The following OPCML variants were observed in gnomAD, a reference collection of about 807,000 sequenced individuals.
OPCML encodes the protein opioid binding protein/cell adhesion molecule like, also known as opioid-binding protein/cell adhesion molecule.
In OPCML, 13 loss-of-function variants were observed where a neutral mutation model predicts 37.8. The observed-to-expected ratio is 0.34, with a 90% CI of 0.22 to 0.55. OPCML has a LOEUF of 0.55. Among genes scored for constraint, OPCML ranks in the 20% least tolerant of loss-of-function variants. The pLI is 0.91. For missense variants in OPCML, 341 were observed against 435.6 expected, an observed-to-expected ratio of 0.78 and a Z score of 1.93; for synonymous variants, 176 against 168.8, an observed-to-expected ratio of 1.04 and a Z score of -0.33.
intron 3 of OPCML, among the ~76,000 whole-genome samples, chr11:132,585,208 G>A (rs4622275): frequency 0.31 from 46,880 of 151,926 alleles, 8,996 homozygotes; most frequent in Non-Finnish European, 0.43. Flanking sequence ...TGTCTCATTC[G>A]TGAATGGACT....
At chr11:133,002,438 T>C (rs1460287433) in intron 1 of OPCML, among the ~76,000 whole-genome samples, 2 of 152,228 alleles carry the variant, frequency 1.3e-5, no homozygotes, top group Non-Finnish European at 2.9e-5. Flanking sequence ...GTTTGAATCC[T>C]GTCTCACCGC....
chr11:133,458,751 A>ATATACACATAGATGCACGTGTGTG (rs1946780060), intron 1 of OPCML, among the ~76,000 whole-genome samples: 1 of 136,744 alleles, frequency 7.3e-6, no homozygotes, highest in African/African-American at 3.5e-5. Context: ...GTGTGTGTAT[A>ATATACACATAGATGCACGTGTGTG]TATACACATA....
intron 2 of OPCML, among the ~76,000 whole-genome samples, chr11:132,665,420 A>G (rs1942176195): frequency 6.6e-6 from 1 of 152,200 alleles, no homozygotes; most frequent in South Asian, 2.1e-4. Flanking sequence ...CACACCACGC[A>G]AGTGAGGCAA....
chr11:133,214,953 T>A (rs1054041938), intron 1 of OPCML, among the ~76,000 whole-genome samples: 10 of 152,176 alleles, frequency 6.6e-5, no homozygotes, highest in Non-Finnish European at 1.3e-4. Context: ...TATAAATAGA[T>A]AATTACAGAA....
chr11:132,745,161 A>G (rs1945572755), intron 2 of OPCML, among the ~76,000 whole-genome samples: 1 of 152,088 alleles, frequency 6.6e-6, no homozygotes, highest in South Asian at 2.1e-4. Context: ...ACTTCCAGGG[A>G]GAGGAAGCTA....
intron 1 of OPCML, among the ~76,000 whole-genome samples, chr11:133,481,164 A>T (rs1947363046): frequency 6.6e-6 from 1 of 152,262 alleles, no homozygotes; most frequent in South Asian, 2.1e-4. Flanking sequence ...CCAGGATTTC[A>T]TCATGAAGCT....
intron 1 of OPCML, among the ~76,000 whole-genome samples, chr11:133,140,079 G>A (rs906065404): frequency 1.3e-5 from 2 of 151,338 alleles, no homozygotes; most frequent in Non-Finnish European, 2.9e-5. Flanking sequence ...CCCAGCTACT[G>A]GGGAGGCTGA....
chr11:132,848,576 T>C (rs1941658963), intron 2 of OPCML, among the ~76,000 whole-genome samples: 1 of 152,240 alleles, frequency 6.6e-6, no homozygotes, highest in African/African-American at 2.4e-5. Context: ...TACTTACCCA[T>C]AATTTTTGTT....
chr11:133,352,147 T>G (rs879883547), intron 1 of OPCML, among the ~76,000 whole-genome samples: 2 of 152,224 alleles, frequency 1.3e-5, no homozygotes, highest in African/African-American at 4.8e-5. Flanking sequence ...TTCACTCTAA[T>G]GGCTAAAGCC....
intron 1 of OPCML, among the ~76,000 whole-genome samples, chr11:133,470,464 G>A (rs1947080124): frequency 6.6e-6 from 1 of 152,196 alleles, no homozygotes. Flanking sequence ...CCATCCCTGT[G>A]ACAGATGCAA....
At chr11:132,963,913 T>A (rs1156830972) in intron 1 of OPCML, among the ~76,000 whole-genome samples, 1 of 152,202 alleles carries the variant, frequency 6.6e-6, no homozygotes, top group Non-Finnish European at 1.5e-5. Context: ...AACCCTTCTG[T>A]AGTTACACAC....
intron 2 of OPCML, among the ~76,000 whole-genome samples, chr11:132,908,842 G>T (rs1186991087): frequency 6.6e-6 from 1 of 152,200 alleles, no homozygotes; most frequent in Non-Finnish European, 1.5e-5. Flanking sequence ...CATCACATTT[G>T]GTGGTCACAG....
chr11:133,314,205 A>C (rs1943144042), intron 1 of OPCML, among the ~76,000 whole-genome samples: 1 of 125,162 alleles, frequency 8.0e-6, no homozygotes, highest in South Asian at 2.7e-4. Context: ...ACTGCACTCC[A>C]GCCTGGGCTA....
chr11:133,227,566 A>G (rs1940092053), intron 1 of OPCML, among the ~76,000 whole-genome samples: 1 of 152,004 alleles, frequency 6.6e-6, no homozygotes, highest in South Asian at 2.1e-4. Context: ...CTTTAAATAT[A>G]CCGGTGGCTG....
intron 3 of OPCML, among the ~76,000 whole-genome samples, chr11:132,574,355 T>C (rs896192140): frequency 8.6e-5 from 13 of 151,536 alleles, no homozygotes; most frequent in African/African-American, 3.1e-4. Flanking sequence ...AAATTGTTTA[T>C]TTGTAATCTT....
At chr11:133,198,747 A>G (rs1195671418) in intron 1 of OPCML, among the ~76,000 whole-genome samples, 1 of 152,216 alleles carries the variant, frequency 6.6e-6, no homozygotes, top group Non-Finnish European at 1.5e-5. Context: ...GAGCAACAGG[A>G]GCTGTGTCAG....
chr11:133,454,341 ATTC>A (rs2136964559), intron 1 of OPCML, among the ~76,000 whole-genome samples: 1 of 152,358 alleles, frequency 6.6e-6, no homozygotes, highest in South Asian at 2.1e-4. Flanking sequence ...GTCTGTCACT[ATTC>A]TTTGCTGCTG....
chr11:132,722,030 A>G (rs111587452), intron 2 of OPCML, among the ~76,000 whole-genome samples: 3,627 of 129,468 alleles, frequency 0.028, 125 homozygotes, highest in African/African-American at 0.1. Context: ...ATCTCGGCTC[A>G]CTGCAAGCTC....
intron 1 of OPCML, among the ~76,000 whole-genome samples, chr11:133,207,369 T>C (rs1939125654): frequency 6.6e-6 from 1 of 152,062 alleles, no homozygotes; most frequent in African/African-American, 2.4e-5. Flanking sequence ...ACTGAGCAGG[T>C]TAACAGGCTT....
Sources: allele counts gnomAD v4.1 joint callset (sites outside exome capture counted in the v4.1 genomes callset), GRCh38; gene constraint gnomAD v4.1.1; transcripts MANE v1.5; gene names NCBI Gene and HGNC (gene_info 2026-07-23, HGNC 2026-07-21).